The following ODF2L variants were observed in gnomAD, a reference collection of about 807,000 sequenced individuals.
ODF2L encodes the protein protein BCAP.
ODF2L carries 76 observed loss-of-function variants against 86.3 expected under a neutral mutation model. The ratio of observed to expected loss-of-function variants is 0.88; its 90% CI spans 0.73 to 1.07. The LOEUF is 1.07. ODF2L is among the 50% of genes least tolerant of loss of function. ODF2L has a pLI of 0.00. For synonymous variants in ODF2L, 241 were observed against 231.3 expected (o/e 1.04, Z -0.38); for missense variants, 748 against 717.4 (o/e 1.04, Z -0.49).
At chr1:86,361,484 G>A (rs1659031697) in intron 11 of ODF2L, among the ~76,000 whole-genome samples, 1 of 152,138 alleles carries the variant, frequency 6.6e-6, no homozygotes, top group Admixed American at 6.5e-5. Flanking sequence ...AGTCTACATG[G>A]ACAATATCTT....
At chr1:86,372,342 A>T in intron 9 of ODF2L, 89 bp downstream of exon 9, 2 of 569,348 alleles carry the variant, frequency 3.5e-6, no homozygotes, top group Non-Finnish European at 5.7e-6. Flanking sequence ...TATGTAATCT[A>T]AAAAAAATCA....
At chr1:86,351,929 ATTT>A (rs1242496156) in exon 18 of ODF2L, 33 of 1,181,984 alleles carry the variant, frequency 2.8e-5, no homozygotes, top group Non-Finnish European at 3.5e-5. Context: ...CACCTCATTT[ATTT>A]TTTCAGAGGC....
intron 11 of ODF2L, among the ~76,000 whole-genome samples, chr1:86,365,616 A>C (rs1458752038): frequency 6.6e-6 from 1 of 152,196 alleles, no homozygotes; most frequent in Non-Finnish European, 1.5e-5. Flanking sequence ...CATTCCCAAG[A>C]CCAAACTATT....
At chr1:86,359,008 T>G in intron 12 of ODF2L, 117 bp from the exon 12 acceptor site, 1 of 541,092 alleles carries the variant, frequency 1.8e-6, no homozygotes, top group Non-Finnish European at 3.2e-6. Context: ...TATCCTTGAC[T>G]GGTTCATCTA....
At chr1:86,389,603 G>C (rs1661176051) in intron 1 of ODF2L, among the ~76,000 whole-genome samples, 1 of 142,812 alleles carries the variant, frequency 7.0e-6, no homozygotes, top group Non-Finnish European at 1.5e-5. Context: ...GAAACAAAAA[G>C]CTGGTCCTTT....
At chr1:86,375,379 T>G (rs1660098248) in intron 8 of ODF2L, among the ~76,000 whole-genome samples, 1 of 152,092 alleles carries the variant, frequency 6.6e-6, no homozygotes, top group South Asian at 2.1e-4. Flanking sequence ...ATGAGGAAAT[T>G]GAAGAGGTTA....
rs2100873341 is a variant in ODF2L, at chr1:86,362,107, GC to G, written c.1144-1572del. Among the ~76,000 whole-genome samples the G allele has an allele frequency of 1.3e-5, 2 of 152,106 alleles. 1 individual carries two copies. Among genetic ancestry groups the G allele is most frequent in the South Asian group, 4.2e-4 (2 of 4,818 alleles). The stretch of plus-strand genomic sequence containing the variant: ...CAAGTTAGGGGAAAACAACAAGAAA[GC>G]CAGTGAGGTAGAAATAGAGAAAAAA... On this transcript the variant is annotated intron_variant, in intron 11 of 17. Transcript: ENST00000317336.
intron 7 of ODF2L, among the ~76,000 whole-genome samples, chr1:86,379,467 T>C (rs565023729): frequency 1.3e-5 from 2 of 152,166 alleles, no homozygotes; most frequent in African/African-American, 2.4e-5. Context: ...TAGAATATTA[T>C]ACATCATACT....
chr1:86,370,985 A>C, intron 10 of ODF2L, 33 bp downstream of exon 10: 1 of 1,461,654 alleles, frequency 6.8e-7, no homozygotes, highest in South Asian at 1.5e-5. Context: ...TCATTACACA[A>C]TACATGCCTG....
intron 1 of ODF2L, among the ~76,000 whole-genome samples, chr1:86,395,122 C>T (rs960962295): frequency 2.0e-5 from 3 of 152,186 alleles, no homozygotes; most frequent in African/African-American, 7.2e-5. Flanking sequence ...GGATTACAGG[C>T]GTGAGCCACC....
In ODF2L at chr1:86,382,368, A is replaced by G. The variant is rs1558052485; in HGVS notation, c.508-10T>C. 1 of 1,608,078 alleles carries G rather than the reference A, an allele frequency of 6.2e-7. No homozygotes were observed. The highest frequency in any genetic ancestry group is 1.3e-5 in the African/African-American group (1 of 74,460). ...CTTTCAAAGTATTTGCCTGTAACAA[A>G]GAGAAAGAGAAAACCAAAAAAATCC... On this transcript the variant is annotated splice_polypyrimidine_tract_variant and intron_variant, in intron 6 of 17. Transcript: ENST00000317336.
intron 1 of ODF2L, among the ~76,000 whole-genome samples, chr1:86,391,217 T>C (rs1022369627): frequency 1.6e-4 from 24 of 152,314 alleles, no homozygotes; most frequent in African/African-American, 5.8e-4. Context: ...ACACAACCCA[T>C]GTTCATGGAT....
chr1:86,372,651 G>A, intron 8 of ODF2L, 111 bp from the exon 9 acceptor site: 1 of 560,768 alleles, frequency 1.8e-6, no homozygotes, highest in Non-Finnish European at 3.0e-6. Context: ...CAAAAAGTAT[G>A]GAACTTCAAA....
At chr1:86,389,914 A>C (rs1025732732) in intron 1 of ODF2L, among the ~76,000 whole-genome samples, 8 of 152,172 alleles carry the variant, frequency 5.3e-5, no homozygotes, top group African/African-American at 1.9e-4. Context: ...ACAAAAAAAG[A>C]AGTCCAGGAC....
intron 17 of ODF2L, chr1:86,352,328 G>A (rs895122452): frequency 8.5e-7 from 1 of 1,182,632 alleles, no homozygotes; most frequent in Non-Finnish European, 1.1e-6. Flanking sequence ...TGTTTCATGA[G>A]TATTCAGGAA....
In ODF2L at chr1:86,384,907, C is replaced by G. The variant is rs1244638773; in HGVS notation, c.247-106G>C. ...TTTTTTCCTACTAAACAAAATCATT[C>G]TTTTGTGCATAGTAATAATAAATGC... is the stretch of plus-strand genomic sequence containing the variant. On this transcript the variant is annotated intron_variant, in intron 3 of 17. Coordinates refer to ENST00000317336, the Ensembl canonical transcript of ODF2L. The G allele has an allele frequency of 6.1e-6, 5 of 816,298 alleles. 1 individual carries two copies. Among genetic ancestry groups the G allele is most frequent in the Admixed American group, 7.3e-5 (2 of 27,282 alleles). The allele number at this position is 816,298 out of a possible 1,614,324, so 50.6% of individuals were successfully genotyped here. A position where few individuals can be genotyped will look rare whatever the true frequency, so the allele number is the denominator to read the frequency against.
At chr1:86,364,591 CTAAG>C (rs1659271223) in intron 11 of ODF2L, among the ~76,000 whole-genome samples, 1 of 152,124 alleles carries the variant, frequency 6.6e-6, no homozygotes, top group Admixed American at 6.5e-5. Flanking sequence ...GGTCAAGTGC[CTAAG>C]TAAGTAAAAG....
intron 14 of ODF2L, 86 bp downstream of exon 13, chr1:86,356,358 C>A: frequency 9.5e-7 from 1 of 1,054,060 alleles, no homozygotes; most frequent in Non-Finnish European, 1.4e-6. Flanking sequence ...AAAATCAAGC[C>A]CTGACATGAG....
At chr1:86,382,390 A>T in intron 6 of ODF2L, 32 bp from the exon 7 acceptor site, 3 of 1,606,252 alleles carry the variant, frequency 1.9e-6, no homozygotes, top group Non-Finnish European at 1.7e-6. Flanking sequence ...AACCAAAAAA[A>T]TCCATATTAT....
Sources: allele counts gnomAD v4.1 joint callset (sites outside exome capture counted in the v4.1 genomes callset), GRCh38; gene constraint gnomAD v4.1.1; transcripts MANE v1.5; gene names NCBI Gene and HGNC (gene_info 2026-07-23, HGNC 2026-07-21).